MAPKAP1: variants seen among roughly 807,000 people sequenced by gnomAD.
The protein encoded by MAPKAP1 is target of rapamycin complex 2 subunit MAPKAP1.
A neutral mutation model predicts 65.7 loss-of-function variants in MAPKAP1; 20 were observed. The ratio of observed to expected loss-of-function variants is 0.30; its 90% CI spans 0.21 to 0.44. MAPKAP1 has a LOEUF of 0.44. Ranked by LOEUF, MAPKAP1 falls within the 20% of genes least tolerant of loss-of-function variation. MAPKAP1 has a pLI of 1.00. For missense variants in MAPKAP1, 423 were observed against 648.0 expected (o/e 0.65, Z 3.77); for synonymous variants, 222 against 244.3 (o/e 0.91, Z 0.85).
intron 5 of MAPKAP1, chr9:125,567,701 G>A (rs1831102051): frequency 6.6e-6 from 1 of 152,102 alleles, no homozygotes; most frequent in Admixed American, 6.5e-5. Flanking sequence ...ACCCTCTCTT[G>A]GAGTCTGGAT....
intron 8 of MAPKAP1, among the ~76,000 whole-genome samples, chr9:125,502,043 C>T (rs954487941): frequency 4.6e-5 from 7 of 150,606 alleles, no homozygotes; most frequent in Non-Finnish European, 1.0e-4. Flanking sequence ...TCAGGTTTTT[C>T]TATTTTTCAA....
intron 4 of MAPKAP1, among the ~76,000 whole-genome samples, chr9:125,636,835 G>A (rs1833438571): frequency 6.6e-6 from 1 of 152,164 alleles, no homozygotes; most frequent in Non-Finnish European, 1.5e-5. Flanking sequence ...AGAATAAGTG[G>A]CAAAGCTAGG....
chr9:125,625,694 C>T (rs901999634), intron 4 of MAPKAP1, among the ~76,000 whole-genome samples: 1 of 152,112 alleles, frequency 6.6e-6, no homozygotes, highest in African/African-American at 2.4e-5. Context: ...ACTTGGGAGA[C>T]TGAGGCACAA....
intron 4 of MAPKAP1, among the ~76,000 whole-genome samples, chr9:125,636,405 T>C (rs1833425498): frequency 6.6e-6 from 1 of 152,222 alleles, no homozygotes; most frequent in Non-Finnish European, 1.5e-5. Context: ...AGCTAACGCA[T>C]ATATATCAAG....
chr9:125,707,173 C>G lies in MAPKAP1; in HGVS notation c.-272G>C, dbSNP rs1017215947. ...CTGCTGCTCGCCGCCGCCGGCCGGC[C>G]GAGCAGCAGCCCTATTACCCCGAGC... On this transcript the variant is annotated 5_prime_UTR_variant, in exon 1 of 12. Transcript: ENST00000265960. The G allele has an allele frequency of 8.3e-5, 33 of 398,178 alleles. No individual in the cohort carries two copies. Among genetic ancestry groups the G allele is most frequent in the South Asian group, 1.3e-4 (1 of 7,846 alleles). 24.7% of individuals were successfully genotyped at this position (398,178 alleles called of 1,614,324 possible). A position where few individuals can be genotyped will look rare whatever the true frequency, so the allele number is the denominator to read the frequency against.
At chr9:125,589,647 C>G (rs1269393376) in intron 4 of MAPKAP1, among the ~76,000 whole-genome samples, 1 of 152,128 alleles carries the variant, frequency 6.6e-6, no homozygotes, top group East Asian at 1.9e-4. Context: ...AAGGTCAGTA[C>G]AGGGAAAGGA....
chr9:125,444,611 A>G lies in MAPKAP1; in HGVS notation c.1346-13T>C. On this transcript the variant is annotated splice_polypyrimidine_tract_variant and intron_variant, in intron 10 of 11. Transcript: ENST00000265960. Reference sequence around the variant, plus strand: ...AATATTGCGTGACCTGCAGAGACAGAAAACTGTGTTGAGGGGTTCTGGTGA... The same window carrying G: ...AATATTGCGTGACCTGCAGAGACAGGAAACTGTGTTGAGGGGTTCTGGTGA... 6.3e-7 allele frequency: 1 copy of G among 1,599,564 alleles called. No individual in the cohort carries two copies.
At chr9:125,482,749 G>A (rs1854364234) in intron 9 of MAPKAP1, among the ~76,000 whole-genome samples, 2 of 152,070 alleles carry the variant, frequency 1.3e-5, no homozygotes, top group African/African-American at 4.8e-5. Flanking sequence ...AAGAACCTTT[G>A]GATGACATTA....
chr9:125,527,247 T>C (rs919710498), intron 7 of MAPKAP1, among the ~76,000 whole-genome samples: 18 of 152,156 alleles, frequency 1.2e-4, no homozygotes, highest in Admixed American at 3.9e-4. Flanking sequence ...TTTGTATTTT[T>C]AGTAGAGATG....
chr9:125,493,987 C>T (rs976283518), intron 8 of MAPKAP1, among the ~76,000 whole-genome samples: 5 of 152,194 alleles, frequency 3.3e-5, no homozygotes, highest in Non-Finnish European at 1.5e-5. Context: ...AAATGCATAA[C>T]TCCATGGGCT....
At chr9:125,440,915 C>T (rs1426469393) in intron 11 of MAPKAP1, among the ~76,000 whole-genome samples, 3 of 152,202 alleles carry the variant, frequency 2.0e-5, no homozygotes. Context: ...GCACATATAA[C>T]TTGACAAAAG....
At chr9:125,644,574 A>G (rs574979433) in intron 4 of MAPKAP1, among the ~76,000 whole-genome samples, 1 of 152,346 alleles carries the variant, frequency 6.6e-6, no homozygotes, top group South Asian at 2.1e-4. Flanking sequence ...CTGCTTTATT[A>G]AAGCTCATTA....
At chr9:125,649,798 CAAAAAAAA>C (rs35503728) in intron 4 of MAPKAP1, among the ~76,000 whole-genome samples, 4 of 76,210 alleles carry the variant, frequency 5.2e-5, no homozygotes, top group East Asian at 6.9e-4. Flanking sequence ...AACTCCGTCT[CAAAAAAAA>C]AAAAAAAAAA....
At chr9:125,663,623 T>C (rs1834252626) in intron 3 of MAPKAP1, among the ~76,000 whole-genome samples, 1 of 152,168 alleles carries the variant, frequency 6.6e-6, no homozygotes, top group Non-Finnish European at 1.5e-5. Context: ...TTTTTAATAA[T>C]AAATATTTGT....
At chr9:125,446,845 G>T (rs943700024) in intron 10 of MAPKAP1, among the ~76,000 whole-genome samples, 7 of 152,128 alleles carry the variant, frequency 4.6e-5, no homozygotes, top group African/African-American at 1.7e-4. Flanking sequence ...AAGCACTAAA[G>T]CATGTTTTGC....
rs1441778847 is a variant in MAPKAP1, at chr9:125,693,743, A to ATATATACACATATATACACG, written c.-70+13208_-70+13227dup. 2.2e-4 allele frequency among the ~76,000 whole-genome samples: 29 copies of ATATATACACATATATACACG among 130,430 alleles called. 1 individual carries two copies. The highest frequency in any genetic ancestry group is 1.6e-3 in the South Asian group (7 of 4,512). The allele number at this position is 130,430 out of a possible 152,430, so 85.6% of individuals were successfully genotyped here. A position where few individuals can be genotyped will look rare whatever the true frequency, so the allele number is the denominator to read the frequency against. ...CACGTATATACACATATATACACGTATATATACACATATATACACGTATAT... is the reference window on the plus strand; with the variant it reads ...CACGTATATACACATATATACACGTATATATACACATATATACACGTATATACACATATATACACGTATAT... On this transcript the variant is annotated intron_variant, in intron 1 of 11. Coordinates refer to ENST00000265960, the MANE Select transcript of MAPKAP1 (RefSeq NM_001006617.3).
chr9:125,498,146 A>T (rs375385040), intron 8 of MAPKAP1, among the ~76,000 whole-genome samples: 2 of 152,360 alleles, frequency 1.3e-5, no homozygotes, highest in East Asian at 3.9e-4. Flanking sequence ...GGAAAGCTCA[A>T]GGACTTTGGC....
chr9:125,444,648 C>T (rs375852758), intron 10 of MAPKAP1, 50 bp from the exon 11 acceptor site: 48 of 1,307,110 alleles, frequency 3.7e-5, no homozygotes, highest in South Asian at 3.8e-5. Flanking sequence ...TTAACTATGG[C>T]GGGGGCCTCC....
chr9:125,535,465 A>C (rs1276358197), intron 7 of MAPKAP1, among the ~76,000 whole-genome samples: 1 of 152,126 alleles, frequency 6.6e-6, no homozygotes, highest in Non-Finnish European at 1.5e-5. Context: ...GGCACAGAGC[A>C]GACAGCATGG....
Sources: gnomAD v4.1 joint callset for allele counts (sites outside exome capture counted in the v4.1 genomes callset) on GRCh38, gnomAD v4.1.1 for gene constraint, MANE v1.5 for transcripts, NCBI Gene and HGNC (gene_info 2026-07-23, HGNC 2026-07-21) for gene names.